The following AGAP3 variants were observed in gnomAD, a reference collection of about 807,000 sequenced individuals.
AGAP3 encodes ArfGAP with GTPase domain, ankyrin repeat and PH domain 3.
Under a neutral mutation model 96.9 loss-of-function variants are expected in AGAP3, and 24 were observed. That is an observed-to-expected ratio of 0.25 (90% CI 0.18 to 0.35). The LOEUF (loss-of-function observed/expected upper bound fraction) is 0.35, where lower values mean the gene tolerates loss of function less well. Ranked by LOEUF, AGAP3 falls within the 10% of genes least tolerant of loss-of-function variation. The pLI, the probability that AGAP3 is intolerant of heterozygous loss-of-function variation, is 1.00. For missense variants in AGAP3, 876 were observed against 1,254.2 expected, an observed-to-expected ratio of 0.70 and a Z score of 4.55; for synonymous variants, 563 against 536.1, an observed-to-expected ratio of 1.05 and a Z score of -0.69.
At chr7:151,098,529 T>G (rs28645628) in intron 1 of AGAP3, among the ~76,000 whole-genome samples, 54,441 of 151,712 alleles carry the variant, frequency 0.36, 10,786 homozygotes, top group Middle Eastern at 0.44. Context: ...GGCGTGCGCC[T>G]ATAGTCCCAG....
rs888220608 is a variant in AGAP3, at chr7:151,141,536, C to T, written c.1805-362C>T. ...TCCCCCACCCTCTCCCAGTGTTTGC[C>T]TCCTAGCACCCCGTCACATCCTTCT... On this transcript the variant is annotated intron_variant, in intron 13 of 17. Coordinates refer to ENST00000397238, the MANE Select transcript of AGAP3 (RefSeq NM_031946.7). The surrounding 1 kb of genome is among the most constrained non-coding windows in gnomAD (Gnocchi z 4.2). 4 of 270,604 alleles carry T rather than the reference C, an allele frequency of 1.5e-5. No individual in the cohort carries two copies. Among genetic ancestry groups the T allele is most frequent in the Non-Finnish European group, 2.9e-5 (4 of 139,664 alleles). 16.8% of individuals were successfully genotyped at this position (270,604 alleles called of 1,614,324 possible).
intron 1 of AGAP3, among the ~76,000 whole-genome samples, chr7:151,093,021 T>C (rs1024043996): frequency 1.3e-5 from 2 of 152,158 alleles, no homozygotes; most frequent in Non-Finnish European, 2.9e-5. Flanking sequence ...CCCAACTGAA[T>C]TGAATGGTGG....
At chr7:151,095,048 T>A (rs1359899828) in intron 1 of AGAP3, among the ~76,000 whole-genome samples, 2 of 152,122 alleles carry the variant, frequency 1.3e-5, no homozygotes, top group Non-Finnish European at 2.9e-5. Flanking sequence ...TAATAATTTT[T>A]AAAATTGTCT....
chr7:151,100,768 G>A (rs1023105608), intron 1 of AGAP3, among the ~76,000 whole-genome samples: 6 of 152,214 alleles, frequency 3.9e-5, no homozygotes, highest in Non-Finnish European at 7.3e-5. Flanking sequence ...CCTGAGCCCA[G>A]GAGGTTGAGG....
At chr7:151,101,052 C>T (rs1036293620) in intron 1 of AGAP3, among the ~76,000 whole-genome samples, 1 of 152,228 alleles carries the variant, frequency 6.6e-6, no homozygotes, top group African/African-American at 2.4e-5. Context: ...CCACCTCCCC[C>T]GCTGGCACGC....
chr7:151,116,003 C>T (rs1408238683), intron 1 of AGAP3, among the ~76,000 whole-genome samples: 1 of 152,184 alleles, frequency 6.6e-6, no homozygotes, highest in Non-Finnish European at 1.5e-5. Flanking sequence ...CTCTTTGACA[C>T]AAACTTGGGA....
intron 10 of AGAP3, among the ~76,000 whole-genome samples, chr7:151,130,298 T>C (rs1284221534): frequency 1.3e-5 from 2 of 151,662 alleles, no homozygotes; most frequent in Non-Finnish European, 2.9e-5. Flanking sequence ...AAAGTGTGGG[T>C]TGTGGGGTTG....
chr7:151,091,545 G>C (rs1051454210), intron 1 of AGAP3, among the ~76,000 whole-genome samples: 2 of 152,230 alleles, frequency 1.3e-5, no homozygotes, highest in African/African-American at 2.4e-5. Context: ...CACCTGGAGA[G>C]AACGACTCAG....
Position 151,124,404 on chromosome 7 carries a change from C to T in AGAP3, c.1221+518C>T, listed in dbSNP as rs1472130748. On this transcript the variant is annotated intron_variant, in intron 9 of 17. Coordinates refer to ENST00000397238, the MANE Select transcript of AGAP3 (RefSeq NM_031946.7). Reference sequence around the variant, plus strand: ...GCCCTGGGCCTGCCTTCTTCCACACCTCCGGTCTTGGATTCCTGCAGTGGA... The same window carrying T: ...GCCCTGGGCCTGCCTTCTTCCACACTTCCGGTCTTGGATTCCTGCAGTGGA... 2.0e-5 allele frequency among the ~76,000 whole-genome samples: 3 copies of T among 152,254 alleles called. No homozygotes were observed. In the East Asian group the frequency reaches 5.8e-4, roughly 29 times the overall value.
At position 151,087,040 on chromosome 7, in the gene AGAP3, A is replaced by G. The variant is rs1451394894; in HGVS notation, c.299A>G (p.Asn100Ser). The change falls in exon 1 of 18, where the codon AAC becomes AGC. Residue 100 changes from asparagine (N) to serine (S), a missense_variant. Physicochemically the swap from Asn to Ser is conservative, Grantham distance 46. This residue lies in a region of AGAP3 where 131 missense variants were observed against 304.5 expected (regional missense o/e 0.43). Transcript: ENST00000397238. ...CGCATCGAGGATTTGGCGCTGCAGAACCAGATCCGGGAGCACGTCATCTCC... is the reference window on the plus strand; with the variant it reads ...CGCATCGAGGATTTGGCGCTGCAGAGCCAGATCCGGGAGCACGTCATCTCC... ...IERIEDLALQ[N>S]QIREHVISIE... 6.2e-7 allele frequency: 1 copy of G among 1,611,286 alleles called. No individual in the cohort carries two copies. The highest frequency in any genetic ancestry group is 1.1e-5 in the South Asian group (1 of 90,710).
chr7:151,099,108 C>A (rs535858595), intron 1 of AGAP3, among the ~76,000 whole-genome samples: 2 of 152,016 alleles, frequency 1.3e-5, no homozygotes, highest in South Asian at 4.2e-4. Flanking sequence ...CTTTGGGAGG[C>A]CGAGGCAGGC....
At position 151,108,436 on chromosome 7, in the gene AGAP3, C is replaced by T. The variant is rs1160027258; in HGVS notation, c.332-8357C>T. Among the ~76,000 whole-genome samples, 2 of 152,150 alleles carry T rather than the reference C, an allele frequency of 1.3e-5. No individual in the cohort carries two copies. The highest frequency in any genetic ancestry group is 6.5e-5 in the Admixed American group (1 of 15,286). On this transcript the variant is annotated intron_variant, in intron 1 of 17. Coordinates refer to ENST00000397238, the MANE Select transcript of AGAP3 (RefSeq NM_031946.7). The surrounding 1 kb of genome is among the most constrained non-coding windows in gnomAD (Gnocchi z 4.2). Reference sequence around the variant, plus strand: ...CGGTCCTGTGGCTCTCTCTGCCACCCGCACCCCCACCAGCACCTCTGCCGC... The same window carrying T: ...CGGTCCTGTGGCTCTCTCTGCCACCTGCACCCCCACCAGCACCTCTGCCGC...
chr7:151,126,174 G>A (rs1171705568), intron 9 of AGAP3, among the ~76,000 whole-genome samples: 2 of 152,078 alleles, frequency 1.3e-5, no homozygotes. Flanking sequence ...GGACGGGGGC[G>A]TTCAGGGTGG....
chr7:151,134,501 G>A lies in AGAP3; in HGVS notation c.1428G>A (p.Pro476=), dbSNP rs769908092. 40 of 1,613,194 alleles carry A rather than the reference G, an allele frequency of 2.5e-5. No homozygotes were observed. Among genetic ancestry groups the A allele is most frequent in the African/African-American group, 5.3e-5 (4 of 74,932 alleles). Residue 476 remains proline, a synonymous_variant, in exon 11 of 18, where the codon CCG becomes CCA. Coordinates refer to ENST00000397238, the MANE Select transcript of AGAP3 (RefSeq NM_031946.7). ...CCCGAGCCACACCTGCCACAGCCCC[G>A]GGCACCAGCCCCCGTGCCAACGGGC... ...RLPRATPATA[P]GTSPRANGLS...
intron 11 of AGAP3, 99 bp downstream of exon 11, chr7:151,134,667 G>A (rs1249673128): frequency 3.2e-6 from 4 of 1,245,238 alleles, no homozygotes; most frequent in Non-Finnish European, 1.1e-6. Flanking sequence ...TGGGCACAGG[G>A]TGCTGGCCAG....
Position 151,142,148 on chromosome 7 carries a change from C to T in AGAP3, c.1960-15C>T. 1 of 1,613,444 alleles carries T rather than the reference C, an allele frequency of 6.2e-7. No individual in the cohort carries two copies. Among genetic ancestry groups the T allele is most frequent in the Non-Finnish European group, 8.5e-7 (1 of 1,179,672 alleles). ...ACCAACCGCCCCTTGTCTTGTCTCT[C>T]CTGCTGTGCGACAGACTCGACTGGG... is the stretch of plus-strand genomic sequence containing the variant. On this transcript the variant is annotated splice_polypyrimidine_tract_variant and intron_variant, in intron 14 of 17. Coordinates refer to ENST00000397238, the MANE Select transcript of AGAP3 (RefSeq NM_031946.7). The surrounding 1 kb of genome is among the most constrained non-coding windows in gnomAD (Gnocchi z 7.5).
In AGAP3 at chr7:151,140,420, T is replaced by C. The variant is rs1053260395; in HGVS notation, c.1804+304T>C. The C allele has an allele frequency of 8.4e-5, 18 of 214,618 alleles. No individual in the cohort carries two copies. The highest frequency in any genetic ancestry group is 3.0e-4 in the Admixed American group (5 of 16,894). 13.3% of individuals were successfully genotyped at this position (214,618 alleles called of 1,614,324 possible). A position where few individuals can be genotyped will look rare whatever the true frequency, so the allele number is the denominator to read the frequency against. On this transcript the variant is annotated intron_variant, in intron 13 of 17. Coordinates refer to ENST00000397238, the MANE Select transcript of AGAP3 (RefSeq NM_031946.7). This position sits in a 1 kb window ranked among gnomAD's most constrained non-coding sequence, Gnocchi z 5.4. ...CTAAGATGTTCGGGCAGGACCTGTG[T>C]TTTCTGTCTCTTGTGTCATACCGAG...
At chr7:151,088,087 G>A (rs1798232631) in intron 1 of AGAP3, among the ~76,000 whole-genome samples, 1 of 152,240 alleles carries the variant, frequency 6.6e-6, no homozygotes, top group Admixed American at 6.5e-5. Flanking sequence ...ATAACATGGA[G>A]TTATGGGCAG....
At chr7:151,125,108 G>T (rs574812662) in intron 9 of AGAP3, among the ~76,000 whole-genome samples, 3 of 152,174 alleles carry the variant, frequency 2.0e-5, no homozygotes, top group Non-Finnish European at 4.4e-5. Flanking sequence ...CTCTCTCCGG[G>T]CACCTCCTTT....
Sources: gnomAD v4.1 joint callset for allele counts (sites outside exome capture counted in the v4.1 genomes callset) on GRCh38, gnomAD v4.1.1 for gene constraint, gnomAD v4.1.1 regional missense constraint, Gnocchi (gnomAD v3.1) non-coding constraint, MANE v1.5 for transcripts, NCBI Gene and HGNC (gene_info 2026-07-23, HGNC 2026-07-21) for gene names.